The following CLEC16A variants were observed in gnomAD, a reference collection of about 807,000 sequenced individuals.
CLEC16A encodes the protein C-type lectin domain containing 16A.
A neutral mutation model predicts 109.5 loss-of-function variants in CLEC16A; 51 were observed. That is an observed-to-expected ratio of 0.47 (90% CI 0.37 to 0.59). CLEC16A has a LOEUF of 0.59. CLEC16A is among the 20% of genes least tolerant of loss of function. The pLI, the probability that CLEC16A is intolerant of heterozygous loss-of-function variation, is 0.00. For synonymous variants in CLEC16A, 673 were observed against 564.2 expected (o/e 1.19, Z -2.73); for missense variants, 1,339 against 1,394.0 (o/e 0.96, Z 0.63).
intron 19 of CLEC16A, among the ~76,000 whole-genome samples, chr16:11,096,966 G>A (rs377461896): frequency 3.9e-5 from 6 of 152,162 alleles, no homozygotes; most frequent in African/African-American, 1.4e-4. Flanking sequence ...AATGACTAAA[G>A]TTTAGGAACC....
intron 19 of CLEC16A, among the ~76,000 whole-genome samples, chr16:11,115,043 C>G (rs988262932): frequency 1.2e-4 from 19 of 152,004 alleles, no homozygotes; most frequent in African/African-American, 4.6e-4. Context: ...CTTTTTTGTT[C>G]TTTGTGGTGG....
chr16:11,013,517 A>G (rs1026655882), intron 11 of CLEC16A, among the ~76,000 whole-genome samples: 1 of 152,052 alleles, frequency 6.6e-6, no homozygotes. Context: ...GTAATCCCAG[A>G]ACTTTGGGAG....
chr16:11,059,157 G>C lies in CLEC16A; in HGVS notation c.1996-1745G>C, dbSNP rs184795255. 2.2e-3 allele frequency among the ~76,000 whole-genome samples: 333 copies of C among 152,256 alleles called. 1 individual carries two copies. Among genetic ancestry groups the C allele is most frequent in the African/African-American group, 7.6e-3 (315 of 41,552 alleles). On this transcript the variant is annotated intron_variant, in intron 18 of 23. Coordinates refer to ENST00000409790, the MANE Select transcript of CLEC16A (RefSeq NM_015226.3). ...GTTTCTTCCTCCATAAAATCTTCAAGTTACAATAAGGTGCCCACAGTTCCT... is the reference window on the plus strand; with the variant it reads ...GTTTCTTCCTCCATAAAATCTTCAACTTACAATAAGGTGCCCACAGTTCCT...
At position 10,979,246 on chromosome 16, in the gene CLEC16A, A is replaced by G. The variant is rs2043186107; in HGVS notation, c.904-83A>G. The G allele has an allele frequency of 3.8e-6, 5 of 1,306,552 alleles. No individual in the cohort carries two copies. The South Asian group carries it at 5.1e-5, about 13-fold the overall frequency. 80.9% of individuals were successfully genotyped at this position (1,306,552 alleles called of 1,614,324 possible). A position where few individuals can be genotyped will look rare whatever the true frequency, so the allele number is the denominator to read the frequency against. ...TGGGACAGGACGCCTTTGTTCACAC[A>G]GAAGGCTTTTGGCTTTGTGTATTTT... On this transcript the variant is annotated intron_variant, in intron 8 of 23. Coordinates refer to ENST00000409790, the MANE Select transcript of CLEC16A (RefSeq NM_015226.3).
intron 19 of CLEC16A, among the ~76,000 whole-genome samples, chr16:11,115,005 G>C (rs2051877565): frequency 6.6e-6 from 1 of 152,202 alleles, no homozygotes; most frequent in Non-Finnish European, 1.5e-5. Context: ...ATTTCTGAAA[G>C]CTGTTCCGTT....
At chr16:11,125,828 T>A in intron 21 of CLEC16A, 151 bp from the exon 22 acceptor site, 1 of 755,530 alleles carries the variant, frequency 1.3e-6, no homozygotes, top group South Asian at 1.7e-5. Context: ...CACTGGTCTC[T>A]GCAGCTTGAG....
intron 19 of CLEC16A, among the ~76,000 whole-genome samples, chr16:11,112,625 A>G (rs1044288584): frequency 2.6e-5 from 4 of 152,196 alleles, no homozygotes; most frequent in African/African-American, 9.7e-5. Flanking sequence ...TGATTGCACC[A>G]TTGCAGTCCA....
At chr16:10,986,884 G>C (rs1284661640) in intron 10 of CLEC16A, among the ~76,000 whole-genome samples, 1 of 151,106 alleles carries the variant, frequency 6.6e-6, no homozygotes. Flanking sequence ...GACAGAGTCT[G>C]GCTCTGTCGC....
intron 10 of CLEC16A, among the ~76,000 whole-genome samples, chr16:10,995,908 C>T (rs758800450): frequency 1.3e-5 from 2 of 152,176 alleles, no homozygotes; most frequent in Admixed American, 6.5e-5. Context: ...GTAGGCTCGG[C>T]CTAGGAGAGC....
In CLEC16A at chr16:11,181,122, C is replaced by A. The variant is rs1388180719; in HGVS notation, c.*2432C>A. 6.6e-6 allele frequency: 1 copy of A among 152,274 alleles called. No individual in the cohort carries two copies. The highest frequency in any genetic ancestry group is 1.5e-5 in the Non-Finnish European group (1 of 68,098). The allele number at this position is 152,274 out of a possible 1,614,324, so 9.4% of individuals were successfully genotyped here. On this transcript the variant is annotated 3_prime_UTR_variant, in exon 24 of 24. Transcript: ENST00000409790. The stretch of plus-strand genomic sequence containing the variant: ...AGAAGCTTTGCTTATGTAAGGAGGT[C>A]TGGGAGCCAGCCCATTGGAGGCCAC...
At chr16:10,975,573 A>C (rs2042993698) in intron 7 of CLEC16A, among the ~76,000 whole-genome samples, 1 of 152,224 alleles carries the variant, frequency 6.6e-6, no homozygotes, top group Non-Finnish European at 1.5e-5. Flanking sequence ...TCTCAGGCGC[A>C]CGGTGGGTTC....
intron 13 of CLEC16A, among the ~76,000 whole-genome samples, chr16:11,039,355 A>G (rs2047194640): frequency 6.6e-6 from 1 of 152,204 alleles, no homozygotes; most frequent in Non-Finnish European, 1.5e-5. Context: ...TATTGCATCA[A>G]TCCTGATTTC....
intron 2 of CLEC16A, among the ~76,000 whole-genome samples, chr16:10,960,623 A>G (rs2146037481): frequency 6.6e-6 from 1 of 152,252 alleles, no homozygotes; most frequent in Non-Finnish European, 1.5e-5. Context: ...GAAGAGAGTC[A>G]CCAAGTCTAC....
intron 10 of CLEC16A, among the ~76,000 whole-genome samples, chr16:10,985,220 A>T (rs12922108): frequency 0.2 from 20,357 of 102,546 alleles, 2,354 homozygotes; most frequent in African/African-American, 0.29. Flanking sequence ...AAAAAAAAAA[A>T]ATATATATAT....
At chr16:11,153,934 TC>T (rs1260122663) in intron 22 of CLEC16A, among the ~76,000 whole-genome samples, 1 of 152,132 alleles carries the variant, frequency 6.6e-6, no homozygotes, top group Non-Finnish European at 1.5e-5. Flanking sequence ...TCCTAATAAG[TC>T]CCCTTTTTGT....
At chr16:11,103,828 G>C (rs1251156031) in intron 19 of CLEC16A, among the ~76,000 whole-genome samples, 2 of 152,184 alleles carry the variant, frequency 1.3e-5, no homozygotes, top group African/African-American at 4.8e-5. Flanking sequence ...TGAATGAAAA[G>C]TCTGAGGCAG....
In CLEC16A at chr16:11,072,310, G is replaced by A. The variant is rs566160296; in HGVS notation, c.2116+11288G>A. ...ATTTTTTTATTTTTTGTGGAGATGGGGTCTCTCTATGTTGCCCAGGCTGGT... is the reference window on the plus strand; with the variant it reads ...ATTTTTTTATTTTTTGTGGAGATGGAGTCTCTCTATGTTGCCCAGGCTGGT... On this transcript the variant is annotated intron_variant, in intron 19 of 23. Transcript: ENST00000409790. Among the ~76,000 whole-genome samples, 183 of 151,996 alleles carry A rather than the reference G, an allele frequency of 1.2e-3. 1 individual carries two copies. Among genetic ancestry groups the A allele is most frequent in the Admixed American group, 2.1e-3 (32 of 15,274 alleles).
chr16:11,132,738 G>A (rs148149314), intron 22 of CLEC16A, among the ~76,000 whole-genome samples: 17 of 152,264 alleles, frequency 1.1e-4, no homozygotes, highest in African/African-American at 4.1e-4. Context: ...CTTGGCCAGG[G>A]GGTGGGTACA....
Position 11,178,596 on chromosome 16 carries a change from G to T in CLEC16A, c.3068G>T (p.Gly1023Val). ...VDPHSLRSLT[G>V]MPPLSTPAAA... ...CCCCACAGCCTCCGCAGCCTCACCG[G>T]CATGCCCCCGCTGTCCACGCCGGCT... is the stretch of plus-strand genomic sequence containing the variant. Residue 1023 changes from glycine (G) to valine (V), a missense_variant, in exon 24 of 24, where the codon GGC becomes GTC. By Grantham distance (109) the Gly-to-Val change is moderately radical (BLOSUM62 -3). This residue lies in a region of CLEC16A where 1,061 missense variants were observed against 1,006.8 expected (regional missense o/e 1.05). Transcript: ENST00000409790. This position sits in a 1 kb window ranked among gnomAD's most constrained non-coding sequence, Gnocchi z 6.5. The T allele has an allele frequency of 6.2e-7, 1 of 1,607,812 alleles. No homozygotes were observed.
Sources: allele counts gnomAD v4.1 joint callset (sites outside exome capture counted in the v4.1 genomes callset), GRCh38; gene constraint gnomAD v4.1.1; regional missense constraint gnomAD v4.1.1; non-coding constraint Gnocchi (gnomAD v3.1); transcripts MANE v1.5; gene names NCBI Gene and HGNC (gene_info 2026-07-23, HGNC 2026-07-21).